Variants in VRK2 observed in about 807,000 individuals in gnomAD.
VRK2 encodes VRK serine/threonine kinase 2.
A neutral mutation model predicts 57.6 loss-of-function variants in VRK2; 60 were observed. The observed-to-expected ratio is 1.04, with a 90% confidence interval of 0.85 to 1.29. The LOEUF (loss-of-function observed/expected upper bound fraction) is 1.29, where lower values mean the gene tolerates loss of function less well. Ranked by LOEUF, VRK2 falls within the 50% of genes most tolerant of loss-of-function variation. VRK2 has a pLI of 0.00. For missense variants in VRK2, 705 were observed against 588.1 expected, an observed-to-expected ratio of 1.20 and a Z score of -2.06; for synonymous variants, 231 against 199.2, an observed-to-expected ratio of 1.16 and a Z score of -1.35.
Position 58,008,155 on chromosome 2 carries a change from A to G in VRK2, c.-438-17510A>G, listed in dbSNP as rs981773186. On this transcript the variant is annotated intron_variant, in intron 1 of 15. Transcript: ENST00000417641. ...TTTCTAATCAGAGTGAAACTAAACTAGAAATCAATTACAGTAGAATAACTA... is the reference window on the plus strand; with the variant it reads ...TTTCTAATCAGAGTGAAACTAAACTGGAAATCAATTACAGTAGAATAACTA... Among the ~76,000 whole-genome samples, 10 of 152,180 alleles carry G rather than the reference A, an allele frequency of 6.6e-5. 1 individual carries two copies. Among genetic ancestry groups the G allele is most frequent in the Admixed American group, 4.6e-4 (7 of 15,278 alleles).
chr2:57,989,754 TG>T (rs1672706321), intron 1 of VRK2, among the ~76,000 whole-genome samples: 1 of 152,216 alleles, frequency 6.6e-6, no homozygotes, highest in Non-Finnish European at 1.5e-5. Context: ...AATTCAAACT[TG>T]TAAATAGATT....
chr2:57,994,855 CA>C (rs571226645), intron 1 of VRK2, among the ~76,000 whole-genome samples: 3 of 151,610 alleles, frequency 2.0e-5, no homozygotes, highest in African/African-American at 7.3e-5. Flanking sequence ...TTTTCCCAAA[CA>C]AAAAAAATTA....
chr2:57,921,433 C>T (rs949357248), intron 1 of VRK2, among the ~76,000 whole-genome samples: 1 of 151,938 alleles, frequency 6.6e-6, no homozygotes, highest in Non-Finnish European at 1.5e-5. Flanking sequence ...GAGTGATAGC[C>T]TTGTGTGGAT....
At chr2:58,071,006 C>A (rs1669289112) in intron 2 of VRK2, among the ~76,000 whole-genome samples, 1 of 152,110 alleles carries the variant, frequency 6.6e-6, no homozygotes, top group African/African-American at 2.4e-5. Context: ...TTTAGCCATT[C>A]TAATAGATGT....
chr2:58,025,567 T>C (rs912366846), intron 1 of VRK2: 2 of 152,226 alleles, frequency 1.3e-5, no homozygotes, highest in African/African-American at 4.8e-5. Flanking sequence ...CTCAAGGTTA[T>C]TTTATAAATT....
At chr2:57,995,040 AAT>A (rs1392587295) in intron 1 of VRK2, among the ~76,000 whole-genome samples, 2 of 152,342 alleles carry the variant, frequency 1.3e-5, no homozygotes, top group African/African-American at 4.8e-5. Context: ...AAAGTATTTT[AAT>A]AGTCTTTTCA....
intron 7 of VRK2, among the ~76,000 whole-genome samples, chr2:58,113,312 CAAAAAAAA>C (rs60456089): frequency 1.2e-5 from 1 of 82,214 alleles, no homozygotes; most frequent in Non-Finnish European, 2.8e-5. Flanking sequence ...AACTCCGTCT[CAAAAAAAA>C]AAAAAAAAAA....
intron 2 of VRK2, among the ~76,000 whole-genome samples, chr2:58,052,857 G>A (rs1675963948): frequency 6.6e-6 from 1 of 152,152 alleles, no homozygotes; most frequent in South Asian, 2.1e-4. Context: ...AGATATTAAA[G>A]CTATTGGTTT....
At chr2:58,046,802 C>A (rs1403652557), upstream of VRK2, 1 of 985,510 alleles carries the variant, frequency 1.0e-6, no homozygotes, top group Non-Finnish European at 1.2e-6. Flanking sequence ...CCCGGGGGCT[C>A]CGCCTCGTCG....
chr2:58,021,419 A>T (rs905283839), intron 1 of VRK2, among the ~76,000 whole-genome samples: 2 of 152,178 alleles, frequency 1.3e-5, no homozygotes, highest in Non-Finnish European at 2.9e-5. Context: ...AGAGGTTTCA[A>T]ATTAGTATTA....
At chr2:58,137,688 T>C (rs1416471259) in intron 10 of VRK2, among the ~76,000 whole-genome samples, 1 of 152,108 alleles carries the variant, frequency 6.6e-6, no homozygotes, top group African/African-American at 2.4e-5. Flanking sequence ...GCAGCATACA[T>C]GTCCAACTAA....
intron 1 of VRK2, among the ~76,000 whole-genome samples, chr2:57,915,860 C>T (rs1238455932): frequency 6.6e-6 from 1 of 152,108 alleles, no homozygotes; most frequent in Non-Finnish European, 1.5e-5. Flanking sequence ...CCAGCAGAGA[C>T]ATTAGATTGT....
intron 1 of VRK2, among the ~76,000 whole-genome samples, chr2:57,931,688 C>T (rs1466273018): frequency 2.0e-5 from 3 of 152,070 alleles, no homozygotes; most frequent in Admixed American, 6.5e-5. Context: ...AAATTATCAC[C>T]AAGATCGATG....
chr2:58,024,966 G>A (rs1171679165), intron 1 of VRK2, among the ~76,000 whole-genome samples: 1 of 152,138 alleles, frequency 6.6e-6, no homozygotes, highest in Non-Finnish European at 1.5e-5. Flanking sequence ...TTACACATGG[G>A]GGTTAATTTG....
At chr2:57,942,361 A>G (rs1671126399) in intron 1 of VRK2, among the ~76,000 whole-genome samples, 1 of 152,204 alleles carries the variant, frequency 6.6e-6, no homozygotes, top group Non-Finnish European at 1.5e-5. Flanking sequence ...TGCCATTATG[A>G]ATCAGGCAGT....
At chr2:58,087,159 A>G (rs967950848) in intron 5 of VRK2, among the ~76,000 whole-genome samples, 6 of 152,228 alleles carry the variant, frequency 3.9e-5, no homozygotes, top group African/African-American at 7.2e-5. Context: ...AGACTTTTAT[A>G]TACTTTATCT....
At chr2:57,912,614 A>G (rs567165335) in intron 1 of VRK2, among the ~76,000 whole-genome samples, 1 of 152,312 alleles carries the variant, frequency 6.6e-6, no homozygotes, top group African/African-American at 2.4e-5. Flanking sequence ...AATTTTGTAT[A>G]AAGAGTTTCT....
intron 1 of VRK2, among the ~76,000 whole-genome samples, chr2:57,933,663 G>T (rs1408305160): frequency 3.4e-5 from 5 of 148,920 alleles, no homozygotes; most frequent in Non-Finnish European, 5.9e-5. Context: ...TTTTTGGGTT[G>T]TTTTTTTTTT....
chr2:58,151,807 C>T (rs12996679), intron 12 of VRK2, among the ~76,000 whole-genome samples: 50,391 of 127,090 alleles, frequency 0.4, 11,130 homozygotes, highest in Middle Eastern at 0.53. Context: ...AGCTCCATAG[C>T]CTATGGGCCA....
Sources: allele counts gnomAD v4.1 joint callset (sites outside exome capture counted in the v4.1 genomes callset), GRCh38; gene constraint gnomAD v4.1.1; transcripts MANE v1.5; gene names NCBI Gene and HGNC (gene_info 2026-07-23, HGNC 2026-07-21).